The following PTPRG variants were observed in gnomAD, a reference collection of about 807,000 sequenced individuals.
PTPRG encodes receptor-type tyrosine-protein phosphatase gamma.
Under a neutral mutation model 165.3 loss-of-function variants are expected in PTPRG, and 102 were observed. The observed-to-expected ratio is 0.62, with a 90% CI of 0.53 to 0.73. PTPRG has a LOEUF of 0.73. PTPRG is among the 30% of genes least tolerant of loss of function. The pLI is 0.00. For missense variants in PTPRG, 1,866 were observed against 1,861.4 expected, an observed-to-expected ratio of 1.00 and a Z score of -0.05; for synonymous variants, 675 against 669.5, an observed-to-expected ratio of 1.01 and a Z score of -0.13.
In PTPRG at chr3:62,182,782, G is replaced by A. The variant is rs189760679; in HGVS notation, c.1034-8687G>A. Among the ~76,000 whole-genome samples the A allele has an allele frequency of 5.6e-3, 847 of 152,188 alleles. 8 individuals carry two copies. Among genetic ancestry groups the A allele is most frequent in the African/African-American group, 0.02 (810 of 41,514 alleles). On this transcript the variant is annotated intron_variant, in intron 8 of 29. Coordinates refer to ENST00000474889, the MANE Select transcript of PTPRG (RefSeq NM_002841.4). ...TCAAGCAATTCTGCCTCAGTCTCCC[G>A]AGTAGCTGGGATTACAGGCACCTGC...
At chr3:62,163,376 A>G (rs1270070596) in intron 7 of PTPRG, among the ~76,000 whole-genome samples, 1 of 151,938 alleles carries the variant, frequency 6.6e-6, no homozygotes, top group African/African-American at 2.4e-5. Flanking sequence ...AGTGAGAGAA[A>G]GCACATACCA....
chr3:62,001,570 T>C (rs914536226), intron 3 of PTPRG, among the ~76,000 whole-genome samples: 1 of 151,708 alleles, frequency 6.6e-6, no homozygotes, highest in East Asian at 1.9e-4. Flanking sequence ...TGGTATAATA[T>C]AATATTTTAG....
chr3:61,669,506 C>T (rs1387689140), intron 1 of PTPRG, among the ~76,000 whole-genome samples: 1 of 152,154 alleles, frequency 6.6e-6, no homozygotes, highest in African/African-American at 2.4e-5. Context: ...ACTTCTCTTC[C>T]TAGACTTTAC....
Position 62,271,772 on chromosome 3 carries a change from C to T in PTPRG, c.3182+217C>T, listed in dbSNP as rs550922811. Among the ~76,000 whole-genome samples the T allele has an allele frequency of 6.6e-6, 1 of 152,086 alleles. No individual in the cohort carries two copies. The highest frequency in any genetic ancestry group is 1.5e-5 in the Non-Finnish European group (1 of 68,024). On this transcript the variant is annotated intron_variant, in intron 21 of 29. Transcript: ENST00000474889. This position sits in a 1 kb window ranked among gnomAD's most constrained non-coding sequence, Gnocchi z 4.1. ...GTGATTTTTAAAAAACTAGATCAAT[C>T]CCTAGTTTTTATAAAATCTTCTTAT...
intron 2 of PTPRG, among the ~76,000 whole-genome samples, chr3:61,936,077 C>G (rs906801073): frequency 6.6e-6 from 1 of 152,136 alleles, no homozygotes; most frequent in Admixed American, 6.5e-5. Context: ...GAGGAAACAG[C>G]GTTCCTCTTC....
At chr3:62,129,374 G>A (rs764213177) in intron 5 of PTPRG, among the ~76,000 whole-genome samples, 5 of 152,112 alleles carry the variant, frequency 3.3e-5, no homozygotes, top group Non-Finnish European at 7.4e-5. Context: ...TCCTGTCGTA[G>A]TCTTTTTTGT....
At chr3:61,645,795 G>A (rs1702185024) in intron 1 of PTPRG, among the ~76,000 whole-genome samples, 1 of 152,210 alleles carries the variant, frequency 6.6e-6, no homozygotes, top group Non-Finnish European at 1.5e-5. Context: ...AAAACTTTAT[G>A]TACAATAACA....
chr3:62,231,345 T>C (rs747766710), intron 14 of PTPRG, 34 bp downstream of exon 14: 11 of 1,512,244 alleles, frequency 7.3e-6, no homozygotes, highest in Non-Finnish European at 9.8e-6. Flanking sequence ...GGGGGGCGTC[T>C]TGATGGCCGG....
rs1700504243 is a variant in PTPRG at position 61,589,012 on chromosome 3, T to C, written c.85+26640T>C. Among the ~76,000 whole-genome samples the C allele has an allele frequency of 2.6e-5, 4 of 152,198 alleles. No individual in the cohort carries two copies. The South Asian group carries it at 8.3e-4, about 32-fold the overall frequency. ...AAACAGGGGTCAGCAAATCATAGCCTGGGACCACCCAGTCTGGCCCACTGC... is the reference window on the plus strand; with the variant it reads ...AAACAGGGGTCAGCAAATCATAGCCCGGGACCACCCAGTCTGGCCCACTGC... On this transcript the variant is annotated intron_variant, in intron 1 of 29. Transcript: ENST00000474889.
At chr3:61,904,543 A>G (rs2038592664) in intron 2 of PTPRG, among the ~76,000 whole-genome samples, 1 of 152,152 alleles carries the variant, frequency 6.6e-6, no homozygotes, top group African/African-American at 2.4e-5. Context: ...GCCAATTTAC[A>G]GGATTTAAAA....
intron 2 of PTPRG, chr3:61,750,472 T>A (rs1253570412): frequency 6.6e-6 from 1 of 152,228 alleles, no homozygotes; most frequent in African/African-American, 2.4e-5. Context: ...ATGGAGTGAT[T>A]GTTGATGTCT....
intron 2 of PTPRG, among the ~76,000 whole-genome samples, chr3:61,809,847 T>C (rs1318432969): frequency 6.6e-6 from 1 of 152,198 alleles, no homozygotes; most frequent in African/African-American, 2.4e-5. Context: ...GGTGCACAGC[T>C]ATTGAAGCTC....
intron 12 of PTPRG, among the ~76,000 whole-genome samples, chr3:62,208,072 TG>T (rs763081502): frequency 3.9e-5 from 6 of 152,222 alleles, no homozygotes; most frequent in Non-Finnish European, 7.3e-5. Flanking sequence ...AACCCATCCC[TG>T]GGCCAGGTAG....
chr3:62,174,932 C>A (rs1489710989), intron 8 of PTPRG, among the ~76,000 whole-genome samples: 1 of 152,046 alleles, frequency 6.6e-6, no homozygotes, highest in Non-Finnish European at 1.5e-5. Flanking sequence ...AGTTTTTAAC[C>A]CCCTTCTTTC....
At chr3:62,263,068 C>T in intron 17 of PTPRG, 174 bp downstream of exon 17, 1 of 547,684 alleles carries the variant, frequency 1.8e-6, no homozygotes, top group Non-Finnish European at 3.2e-6. Context: ...TTTCTTCCCC[C>T]TTAGCCTTTC....
At chr3:61,624,294 G>A (rs920632785) in intron 1 of PTPRG, among the ~76,000 whole-genome samples, 7 of 152,058 alleles carry the variant, frequency 4.6e-5, no homozygotes, top group Admixed American at 1.3e-4. Context: ...TTCCTTCTGA[G>A]TCCTTGTATT....
intron 6 of PTPRG, among the ~76,000 whole-genome samples, chr3:62,141,908 GA>G (rs1335787017): frequency 5.9e-5 from 9 of 151,488 alleles, no homozygotes; most frequent in Non-Finnish European, 1.0e-4. Flanking sequence ...CAAAAAAAAA[GA>G]AGACATGTGG....
intron 8 of PTPRG, among the ~76,000 whole-genome samples, chr3:62,178,170 G>C (rs1005944938): frequency 6.6e-6 from 1 of 151,646 alleles, no homozygotes; most frequent in African/African-American, 2.4e-5. Flanking sequence ...TGGATGGATG[G>C]ATGGATGGAT....
intron 1 of PTPRG, among the ~76,000 whole-genome samples, chr3:61,596,317 C>A (rs1168625059): frequency 6.6e-6 from 1 of 152,146 alleles, no homozygotes; most frequent in Non-Finnish European, 1.5e-5. Context: ...TTTCACATTA[C>A]TTTTACTGTG....
Sources: allele counts gnomAD v4.1 joint callset (sites outside exome capture counted in the v4.1 genomes callset), GRCh38; gene constraint gnomAD v4.1.1; non-coding constraint Gnocchi (gnomAD v3.1); transcripts MANE v1.5; gene names NCBI Gene and HGNC (gene_info 2026-07-23, HGNC 2026-07-21).